Variants in CACNA2D1 observed in about 807,000 individuals in gnomAD.
The protein encoded by CACNA2D1 is calcium voltage-gated channel auxiliary subunit alpha2delta 1.
Under a neutral mutation model 171.5 loss-of-function variants are expected in CACNA2D1, and 53 were observed. The ratio of observed to expected loss-of-function variants is 0.31; its 90% CI spans 0.25 to 0.39. CACNA2D1 has a LOEUF of 0.39. Ranked by LOEUF, CACNA2D1 falls within the 10% of genes least tolerant of loss-of-function variation. The probability of loss-of-function intolerance (pLI) is 1.00; values close to 1 mark genes in which losing one functional copy is unlikely to be tolerated. For synonymous variants in CACNA2D1, 442 were observed against 443.1 expected, an observed-to-expected ratio of 1.00 and a Z score of 0.03; for missense variants, 903 against 1,299.8, an observed-to-expected ratio of 0.69 and a Z score of 4.69.
intron 11 of CACNA2D1, among the ~76,000 whole-genome samples, chr7:82,033,797 T>C (rs1373161145): frequency 6.6e-6 from 1 of 152,070 alleles, no homozygotes; most frequent in African/African-American, 2.4e-5. Context: ...AAGCTGGACT[T>C]CTCCGAGGTC....
At chr7:82,424,978 T>C (rs951257853) in intron 1 of CACNA2D1, among the ~76,000 whole-genome samples, 3 of 152,238 alleles carry the variant, frequency 2.0e-5, no homozygotes, top group African/African-American at 7.2e-5. Flanking sequence ...GAGATGATTC[T>C]CATAATTCCC....
chr7:82,094,344 T>A (rs957678487), intron 6 of CACNA2D1, among the ~76,000 whole-genome samples: 2 of 152,178 alleles, frequency 1.3e-5, no homozygotes, highest in African/African-American at 4.8e-5. Context: ...TAAGACAACA[T>A]GAGGTTAATA....
chr7:82,020,889 A>G (rs1014061395), intron 12 of CACNA2D1: 18 of 152,162 alleles, frequency 1.2e-4, no homozygotes, highest in Admixed American at 1.2e-3. Flanking sequence ...CAAGTAAATA[A>G]AACAGAAAAA....
intron 4 of CACNA2D1, among the ~76,000 whole-genome samples, chr7:82,169,128 T>C (rs1795760668): frequency 6.6e-6 from 1 of 152,016 alleles, no homozygotes; most frequent in Admixed American, 6.6e-5. Flanking sequence ...TGCTGCTTTT[T>C]CCCTATTTGC....
At chr7:82,293,292 T>C (rs1241007877) in intron 3 of CACNA2D1, among the ~76,000 whole-genome samples, 1 of 152,176 alleles carries the variant, frequency 6.6e-6, no homozygotes, top group Admixed American at 6.6e-5. Flanking sequence ...GCTTTTGTCT[T>C]TTTTTTCTTT....
intron 12 of CACNA2D1, among the ~76,000 whole-genome samples, chr7:82,020,322 G>T (rs1300887878): frequency 6.6e-6 from 1 of 152,152 alleles, no homozygotes; most frequent in African/African-American, 2.4e-5. Context: ...ACGGAATTCA[G>T]ACTGTAGATT....
At chr7:82,030,554 T>C (rs1802556338) in intron 12 of CACNA2D1, among the ~76,000 whole-genome samples, 1 of 151,852 alleles carries the variant, frequency 6.6e-6, no homozygotes, top group Admixed American at 6.6e-5. Flanking sequence ...GAACACAGAA[T>C]GTAAAATTCA....
At chr7:82,186,973 G>A (rs181551301) in intron 3 of CACNA2D1, among the ~76,000 whole-genome samples, 1 of 152,210 alleles carries the variant, frequency 6.6e-6, no homozygotes, top group Admixed American at 6.5e-5. Context: ...TGAACCATAA[G>A]ACTCATTAGT....
intron 3 of CACNA2D1, among the ~76,000 whole-genome samples, chr7:82,240,702 C>T (rs1180239212): frequency 6.6e-6 from 1 of 152,124 alleles, no homozygotes; most frequent in African/African-American, 2.4e-5. Flanking sequence ...GTGGCTCATG[C>T]CTGTAATCCC....
chr7:82,011,362 G>A lies in CACNA2D1; in HGVS notation c.1362+792C>T, dbSNP rs576764838. 5.3e-4 allele frequency among the ~76,000 whole-genome samples: 80 copies of A among 152,262 alleles called. 1 individual carries two copies. Among genetic ancestry groups the A allele is most frequent in the Non-Finnish European group, 9.4e-4 (64 of 68,018 alleles). ...GCATTCAAAGCCATCCTGGACCACAGGTTGGACAAGCTTGCTCTAGATGCC... is the reference window on the plus strand; with the variant it reads ...GCATTCAAAGCCATCCTGGACCACAAGTTGGACAAGCTTGCTCTAGATGCC... On this transcript the variant is annotated intron_variant, in intron 15 of 38. Coordinates refer to ENST00000356860, the MANE Select transcript of CACNA2D1 (RefSeq NM_000722.4).
At chr7:82,247,717 T>G (rs1805103009) in intron 3 of CACNA2D1, among the ~76,000 whole-genome samples, 1 of 152,156 alleles carries the variant, frequency 6.6e-6, no homozygotes. Context: ...ATAATAATTT[T>G]TATCCAGTTT....
chr7:82,432,603 A>G (rs1343675613), intron 1 of CACNA2D1, among the ~76,000 whole-genome samples: 1 of 152,120 alleles, frequency 6.6e-6, no homozygotes. Context: ...AGCCTCCCCA[A>G]CAGCTGAGCC....
chr7:82,223,980 G>A lies in CACNA2D1; in HGVS notation c.295-53371C>T, dbSNP rs141342085. Among the ~76,000 whole-genome samples the A allele has an allele frequency of 3.1e-4, 47 of 152,170 alleles. No individual in the cohort carries two copies. The East Asian group carries it at 8.3e-3, about 27-fold the overall frequency. On this transcript the variant is annotated intron_variant, in intron 3 of 38. Coordinates refer to ENST00000356860, the MANE Select transcript of CACNA2D1 (RefSeq NM_000722.4). ...GTGGTGCCTTAAACATGCCAGGCAC[G>A]ATCCAGCTTGGGCCCTTCCTACATC...
intron 3 of CACNA2D1, among the ~76,000 whole-genome samples, chr7:82,280,368 G>A (rs1809926743): frequency 6.6e-6 from 1 of 152,044 alleles, no homozygotes; most frequent in Non-Finnish European, 1.5e-5. Context: ...AGCTCATAAG[G>A]ACAAAACACG....
intron 8 of CACNA2D1, 140 bp downstream of exon 8, chr7:82,066,315 T>C: frequency 3.5e-6 from 4 of 1,137,418 alleles, no homozygotes; most frequent in Non-Finnish European, 5.0e-6. Flanking sequence ...TACCTTTACC[T>C]ATATTTACTT....
chr7:82,031,447 C>T (rs1802686933), intron 12 of CACNA2D1, among the ~76,000 whole-genome samples: 1 of 151,878 alleles, frequency 6.6e-6, no homozygotes, highest in Non-Finnish European at 1.5e-5. Context: ...AATCTATTAA[C>T]AGCTCAGTTC....
chr7:81,961,561 G>GGGTT (rs1437165798), intron 36 of CACNA2D1, among the ~76,000 whole-genome samples: 6 of 150,918 alleles, frequency 4.0e-5, no homozygotes, highest in Non-Finnish European at 8.9e-5. Flanking sequence ...TTTTTAATAT[G>GGGTT]GGTTATTTTA....
chr7:82,316,326 G>A (rs577138213), intron 3 of CACNA2D1, among the ~76,000 whole-genome samples: 1 of 152,026 alleles, frequency 6.6e-6, no homozygotes, highest in East Asian at 1.9e-4. Context: ...TTGATAACTC[G>A]ATTATTTCCT....
chr7:82,308,454 G>C (rs532335621), intron 3 of CACNA2D1, among the ~76,000 whole-genome samples: 1 of 152,156 alleles, frequency 6.6e-6, no homozygotes, highest in Non-Finnish European at 1.5e-5. Context: ...AGTAGGTTCA[G>C]CCCTAATTCA....
Sources: allele counts gnomAD v4.1 joint callset (sites outside exome capture counted in the v4.1 genomes callset), GRCh38; gene constraint gnomAD v4.1.1; transcripts MANE v1.5; gene names NCBI Gene and HGNC (gene_info 2026-07-23, HGNC 2026-07-21).